PXDN: variants seen among roughly 807,000 people sequenced by gnomAD.
PXDN encodes the protein peroxidasin, also known as peroxidasin homolog.
In PXDN, 77 loss-of-function variants were observed where a neutral mutation model predicts 140.3. That is an observed-to-expected ratio of 0.55 (90% CI 0.46 to 0.66). PXDN has a LOEUF of 0.66. Among genes scored for constraint, PXDN ranks in the 30% least tolerant of loss-of-function variants. The probability of loss-of-function intolerance (pLI) is 0.00; values close to 1 mark genes in which losing one functional copy is unlikely to be tolerated. For missense variants in PXDN, 1,838 were observed against 2,039.5 expected (o/e 0.90, Z 1.90); for synonymous variants, 911 against 857.4 (o/e 1.06, Z -1.09).
chr2:1,659,582 G>T (rs1449999580), intron 14 of PXDN, among the ~76,000 whole-genome samples: 3 of 152,072 alleles, frequency 2.0e-5, no homozygotes, highest in Non-Finnish European at 4.4e-5. Flanking sequence ...TATTTTTGGG[G>T]GATGGAATTA....
At chr2:1,641,702 A>G (rs546784718) in intron 19 of PXDN, among the ~76,000 whole-genome samples, 40 of 152,392 alleles carry the variant, frequency 2.6e-4, no homozygotes, top group African/African-American at 8.9e-4. Flanking sequence ...CCTCTCCCAC[A>G]GTGCCCTGAG....
rs183902950 is a variant in PXDN at position 1,728,104 on chromosome 2, A to G, written c.200+16152T>C. On this transcript the variant is annotated intron_variant, in intron 1 of 22. Coordinates refer to ENST00000252804, the MANE Select transcript of PXDN (RefSeq NM_012293.3). Reference sequence around the variant, plus strand: ...CAGGCGTATACCACCATGTGCAGCTAATTTTTGTATTTTTTGTAGAGACGG... The same window carrying G: ...CAGGCGTATACCACCATGTGCAGCTGATTTTTGTATTTTTTGTAGAGACGG... Among the ~76,000 whole-genome samples, 457 of 152,174 alleles carry G rather than the reference A, an allele frequency of 3.0e-3. 4 individuals carry two copies. The highest frequency in any genetic ancestry group is 0.03 in the South Asian group (143 of 4,822).
In PXDN at chr2:1,721,064, G is replaced by A. The variant is rs183830930; in HGVS notation, c.200+23192C>T. Reference sequence around the variant, plus strand: ...TCCACCCACACCACAGAGGACAGTCGGCTCTACTCAAAGTCTCCAGATTTA... The same window carrying A: ...TCCACCCACACCACAGAGGACAGTCAGCTCTACTCAAAGTCTCCAGATTTA... On this transcript the variant is annotated intron_variant, in intron 1 of 22. Coordinates refer to ENST00000252804, the MANE Select transcript of PXDN (RefSeq NM_012293.3). 1.1e-3 allele frequency among the ~76,000 whole-genome samples: 167 copies of A among 152,264 alleles called. 1 individual carries two copies. The highest frequency in any genetic ancestry group is 3.9e-3 in the Admixed American group (60 of 15,292).
intron 1 of PXDN, among the ~76,000 whole-genome samples, chr2:1,698,360 G>C (rs1327503172): frequency 6.6e-6 from 1 of 152,090 alleles, no homozygotes; most frequent in Non-Finnish European, 1.5e-5. Flanking sequence ...TGCATACAGG[G>C]AACCCTCGAG....
chr2:1,709,483 C>G (rs1684703128), intron 1 of PXDN, among the ~76,000 whole-genome samples: 1 of 151,672 alleles, frequency 6.6e-6, no homozygotes, highest in Non-Finnish European at 1.5e-5. Context: ...TGGGGTGCAG[C>G]AGGGCTGGGG....
At chr2:1,635,782 T>C (rs766072846) in intron 21 of PXDN, 4 of 463,754 alleles carry the variant, frequency 8.6e-6, no homozygotes, top group Non-Finnish European at 1.6e-5. Context: ...CTCAGAGGAC[T>C]GTGGGAGCAA....
intron 1 of PXDN, among the ~76,000 whole-genome samples, chr2:1,709,641 G>C (rs552746661): frequency 6.6e-6 from 1 of 152,188 alleles, no homozygotes; most frequent in Non-Finnish European, 1.5e-5. Flanking sequence ...CCAGGAGGCC[G>C]GCAAGGCGGC....
At chr2:1,697,724 T>A (rs908056667) in intron 1 of PXDN, among the ~76,000 whole-genome samples, 1 of 152,068 alleles carries the variant, frequency 6.6e-6, no homozygotes, top group African/African-American at 2.4e-5. Context: ...TGCAGTGACG[T>A]CTCCCCAGGG....
chr2:1,662,413 A>G (rs560681195), intron 12 of PXDN, among the ~76,000 whole-genome samples: 3 of 152,246 alleles, frequency 2.0e-5, no homozygotes, highest in African/African-American at 4.8e-5. Flanking sequence ...GGGCAAGGAG[A>G]GCAAAGCATA....
intron 21 of PXDN, chr2:1,635,875 T>A (rs1682544298): frequency 2.8e-6 from 1 of 354,970 alleles, no homozygotes; most frequent in African/African-American, 2.1e-5. Context: ...CAGAGTCAAG[T>A]CTGCCTTATT....
At position 1,639,335 on chromosome 2, in the gene PXDN, G is replaced by A. The variant is rs368855044; in HGVS notation, c.4040C>T (p.Pro1347Leu). The part of the protein sequence containing the change: ...SLEFSYQEDK[P>L]TKKTRPRKIP... Reference sequence around the variant, plus strand: ...TTTCCGTGGTCTTGTTTTCTTGGTCGGCTTGTCCTCCTGGTAGCTGAACTC... The same window carrying A: ...TTTCCGTGGTCTTGTTTTCTTGGTCAGCTTGTCCTCCTGGTAGCTGAACTC... Residue 1347 changes from proline (P) to leucine (L), a missense_variant, in exon 20 of 23, where the codon CCG becomes CTG. Coordinates refer to ENST00000252804, the MANE Select transcript of PXDN (RefSeq NM_012293.3). This position sits in a 1 kb window ranked among gnomAD's most constrained non-coding sequence, Gnocchi z 5.0. The A allele has an allele frequency of 2.9e-5, 47 of 1,613,798 alleles. No homozygotes were observed. Among genetic ancestry groups the A allele is most frequent in the African/African-American group, 1.3e-4 (10 of 74,920 alleles).
At position 1,715,390 on chromosome 2, in the gene PXDN, G is replaced by A. The variant is rs536699721; in HGVS notation, c.201-22256C>T. Among the ~76,000 whole-genome samples the A allele has an allele frequency of 3.3e-5, 5 of 152,286 alleles. No homozygotes were observed. The East Asian group carries it at 9.7e-4, about 29-fold the overall frequency. On this transcript the variant is annotated intron_variant, in intron 1 of 22. Coordinates refer to ENST00000252804, the MANE Select transcript of PXDN (RefSeq NM_012293.3). Reference sequence around the variant, plus strand: ...TAGAAACAGCCACAAAAACAGCGACGGAGCGGGAGCCAATTCCCAGCAGAA... The same window carrying A: ...TAGAAACAGCCACAAAAACAGCGACAGAGCGGGAGCCAATTCCCAGCAGAA...
Position 1,687,893 on chromosome 2 carries a change from G to C in PXDN, c.345-190C>G, listed in dbSNP as rs1180299932. Among the ~76,000 whole-genome samples, 2 of 152,182 alleles carry C rather than the reference G, an allele frequency of 1.3e-5. No homozygotes were observed. The highest frequency in any genetic ancestry group is 1.3e-4 in the Admixed American group (2 of 15,284). On this transcript the variant is annotated intron_variant, in intron 3 of 22. Transcript: ENST00000252804. The surrounding 1 kb of genome is among the most constrained non-coding windows in gnomAD (Gnocchi z 4.0). ...TTCCCTTCCCTCAGATCTCAAGGGG[G>C]CTAAAAGCAACCGGTGCCAACTGAA... is the stretch of plus-strand genomic sequence containing the variant.
chr2:1,726,749 G>A (rs1314844354), intron 1 of PXDN, among the ~76,000 whole-genome samples: 1 of 152,214 alleles, frequency 6.6e-6, no homozygotes, highest in African/African-American at 2.4e-5. Context: ...CCTATAGGGT[G>A]CCTTTTCATC....
chr2:1,676,904 A>G (rs1372134881), intron 8 of PXDN, 23 bp downstream of exon 8: 2 of 1,594,430 alleles, frequency 1.3e-6, no homozygotes, highest in Non-Finnish European at 1.7e-6. Flanking sequence ...GCACAGGGGC[A>G]TTTCTGTTTG....
chr2:1,690,459 C>T (rs1370510863), intron 3 of PXDN, among the ~76,000 whole-genome samples: 1 of 152,076 alleles, frequency 6.6e-6, no homozygotes, highest in Non-Finnish European at 1.5e-5. Flanking sequence ...AACGTGTTTG[C>T]TGAGTGCATA....
intron 7 of PXDN, among the ~76,000 whole-genome samples, chr2:1,678,011 G>T (rs1406074764): frequency 1.3e-5 from 2 of 152,212 alleles, no homozygotes; most frequent in East Asian, 3.9e-4. Flanking sequence ...CCCAACTTGG[G>T]GCTGTCAGCA....
chr2:1,670,733 G>A (rs1036784677), intron 9 of PXDN, among the ~76,000 whole-genome samples: 2 of 152,120 alleles, frequency 1.3e-5, no homozygotes, highest in African/African-American at 4.8e-5. Flanking sequence ...TGATACAGAA[G>A]ACAAGACACA....
chr2:1,649,712 C>G lies in PXDN; in HGVS notation c.2105-37G>C. 6.2e-7 allele frequency: 1 copy of G among 1,608,752 alleles called. No individual in the cohort carries two copies. The highest frequency in any genetic ancestry group is 1.1e-5 in the South Asian group (1 of 90,696). On this transcript the variant is annotated intron_variant, in intron 16 of 22. Transcript: ENST00000252804. The surrounding 1 kb of genome is among the most constrained non-coding windows in gnomAD (Gnocchi z 7.1). ...AGAAAAGCAAGACGCACTCAATTCC[C>G]CTGGAGGATGTGTGAGGGCCCGGTA... is the stretch of plus-strand genomic sequence containing the variant.
Sources: gnomAD v4.1 joint callset for allele counts (sites outside exome capture counted in the v4.1 genomes callset) on GRCh38, gnomAD v4.1.1 for gene constraint, Gnocchi (gnomAD v3.1) non-coding constraint, MANE v1.5 for transcripts, NCBI Gene and HGNC (gene_info 2026-07-23, HGNC 2026-07-21) for gene names.